The following MYO3B variants were observed in gnomAD, a reference collection of about 807,000 sequenced individuals.
MYO3B encodes myosin-IIIb.
MYO3B carries 156 observed loss-of-function variants against 174.6 expected under a neutral mutation model. The observed-to-expected ratio is 0.89, with a 90% CI of 0.78 to 1.02. The LOEUF is 1.02. MYO3B is among the 50% of genes least tolerant of loss of function. The pLI is 0.00. For missense variants in MYO3B, 1,632 were observed against 1,639.4 expected (o/e 1.00, Z 0.08); for synonymous variants, 563 against 569.1 (o/e 0.99, Z 0.15).
At chr2:170,613,525 C>G (rs567857796) in intron 32 of MYO3B, among the ~76,000 whole-genome samples, 2 of 152,286 alleles carry the variant, frequency 1.3e-5, no homozygotes, top group South Asian at 4.2e-4. Context: ...ATCTCTAGTC[C>G]TAGCTGGGCC....
intron 32 of MYO3B, among the ~76,000 whole-genome samples, chr2:170,599,411 T>C (rs577063073): frequency 1.3e-4 from 20 of 152,352 alleles, no homozygotes; most frequent in African/African-American, 4.8e-4. Flanking sequence ...AGTAATCTGT[T>C]GTCAAATATA....
At chr2:170,623,559 C>T (rs568443457) in intron 32 of MYO3B, among the ~76,000 whole-genome samples, 3 of 152,240 alleles carry the variant, frequency 2.0e-5, no homozygotes, top group Non-Finnish European at 2.9e-5. Context: ...TTTTGCTGTG[C>T]AGAAGCTCTT....
At chr2:170,305,210 G>A (rs1489656934) in intron 7 of MYO3B, among the ~76,000 whole-genome samples, 2 of 151,918 alleles carry the variant, frequency 1.3e-5, no homozygotes, top group East Asian at 3.9e-4. Flanking sequence ...TCTCTGTCAC[G>A]GTGTAGGATA....
intron 1 of MYO3B, among the ~76,000 whole-genome samples, chr2:170,191,511 T>G (rs181192710): frequency 2.0e-5 from 3 of 152,266 alleles, no homozygotes; most frequent in African/African-American, 7.2e-5. Flanking sequence ...TTCCTATCAC[T>G]GGGAGGTGCA....
rs1558949612 is a variant in MYO3B, at chr2:170,387,224, T to C, written c.1493T>C (p.Met498Thr). 1 of 1,614,114 alleles carries C rather than the reference T, an allele frequency of 6.2e-7. No homozygotes were observed. Among genetic ancestry groups the C allele is most frequent in the Admixed American group, 1.7e-5 (1 of 60,010 alleles). Residue 498 changes from methionine to threonine, a missense_variant, in exon 14 of 35, where the codon ATG becomes ACG. Transcript: ENST00000408978. ...AGCCGTTTTGGAAAATATCTGGAAA[T>C]GATGTTTACACCAACTGGAGTTGTG... The part of the protein sequence containing the change: ...NSSRFGKYLE[M>T]MFTPTGVVMG...
intron 7 of MYO3B, among the ~76,000 whole-genome samples, chr2:170,315,135 T>C (rs2093766323): frequency 6.6e-6 from 1 of 152,192 alleles, no homozygotes; most frequent in South Asian, 2.1e-4. Flanking sequence ...CAATTCCCTA[T>C]TTCTTTCGCT....
At chr2:170,281,273 A>G (rs1342118906) in intron 7 of MYO3B, among the ~76,000 whole-genome samples, 1 of 152,012 alleles carries the variant, frequency 6.6e-6, no homozygotes, top group Non-Finnish European at 1.5e-5. Context: ...TTTGGCTCTC[A>G]GGTTGGCTGT....
intron 8 of MYO3B, among the ~76,000 whole-genome samples, chr2:170,355,124 A>C (rs1256804158): frequency 2.0e-5 from 3 of 152,154 alleles, no homozygotes; most frequent in Non-Finnish European, 1.5e-5. Flanking sequence ...TTTTTTGCTA[A>C]GAAGTTGGGC....
chr2:170,637,211 G>A (rs1165113787), intron 32 of MYO3B, among the ~76,000 whole-genome samples: 7 of 139,918 alleles, frequency 5.0e-5, no homozygotes, highest in East Asian at 4.2e-4. Flanking sequence ...TCACTCTGCC[G>A]TCCAGGCTGG....
chr2:170,503,216 G>C (rs1687392341), intron 28 of MYO3B, among the ~76,000 whole-genome samples: 1 of 152,210 alleles, frequency 6.6e-6, no homozygotes, highest in African/African-American at 2.4e-5. Context: ...ACTGAGTTCA[G>C]TATACAGGAA....
chr2:170,549,429 G>A (rs924457109), intron 32 of MYO3B, among the ~76,000 whole-genome samples: 1 of 152,066 alleles, frequency 6.6e-6, no homozygotes, highest in African/African-American at 2.4e-5. Flanking sequence ...ATTGATTTCG[G>A]GTCTTTCATG....
At chr2:170,273,702 TC>T (rs1298634098) in intron 7 of MYO3B, among the ~76,000 whole-genome samples, 1 of 152,112 alleles carries the variant, frequency 6.6e-6, no homozygotes, top group East Asian at 1.9e-4. Flanking sequence ...AGCTCATATG[TC>T]ACTTCCTCGG....
intron 32 of MYO3B, among the ~76,000 whole-genome samples, chr2:170,624,520 A>T (rs1696231265): frequency 6.6e-6 from 1 of 152,176 alleles, no homozygotes; most frequent in African/African-American, 2.4e-5. Flanking sequence ...AACAGGGACG[A>T]TTTGACTTCC....
intron 21 of MYO3B, among the ~76,000 whole-genome samples, chr2:170,406,074 A>T (rs2094507617): frequency 6.6e-6 from 1 of 152,204 alleles, no homozygotes; most frequent in Non-Finnish European, 1.5e-5. Flanking sequence ...AGAAAAAAAA[A>T]TTCACATTAT....
chr2:170,490,375 G>A (rs1686390753), intron 25 of MYO3B, among the ~76,000 whole-genome samples: 1 of 152,162 alleles, frequency 6.6e-6, no homozygotes, highest in East Asian at 1.9e-4. Flanking sequence ...GAAGTACAAT[G>A]ATTTTTGTAT....
chr2:170,594,896 G>A (rs929631), intron 32 of MYO3B, among the ~76,000 whole-genome samples: 2,331 of 151,606 alleles, frequency 0.015, 53 homozygotes, highest in African/African-American at 0.053. Context: ...TCCTGAAGGC[G>A]GCAACTACCA....
intron 28 of MYO3B, among the ~76,000 whole-genome samples, chr2:170,512,792 T>G (rs557578619): frequency 6.6e-6 from 1 of 152,104 alleles, no homozygotes; most frequent in Non-Finnish European, 1.5e-5. Context: ...ACCTGCATCA[T>G]GTAATATTTA....
chr2:170,631,023 G>A (rs905283780), intron 32 of MYO3B, among the ~76,000 whole-genome samples: 2 of 152,208 alleles, frequency 1.3e-5, no homozygotes, highest in Admixed American at 6.5e-5. Context: ...GCAGCTCCTT[G>A]CCAGCAACAG....
chr2:170,425,748 T>A (rs1294841875), intron 22 of MYO3B, among the ~76,000 whole-genome samples: 1 of 152,196 alleles, frequency 6.6e-6, no homozygotes, highest in East Asian at 1.9e-4. Context: ...TCAGTAGTCT[T>A]CCTTGCATAA....
Sources: allele counts gnomAD v4.1 joint callset (sites outside exome capture counted in the v4.1 genomes callset), GRCh38; gene constraint gnomAD v4.1.1; transcripts MANE v1.5; gene names NCBI Gene and HGNC (gene_info 2026-07-23, HGNC 2026-07-21).